Variants in RAB3IP observed in about 807,000 individuals in gnomAD.
The protein encoded by RAB3IP is rab-3A-interacting protein.
RAB3IP carries 36 observed loss-of-function variants against 59.1 expected under a neutral mutation model. The ratio of observed to expected loss-of-function variants is 0.61; its 90% confidence interval spans 0.47 to 0.80. The LOEUF (loss-of-function observed/expected upper bound fraction) is 0.80, where lower values mean the gene tolerates loss of function less well. Among genes scored for constraint, RAB3IP ranks in the 30% least tolerant of loss-of-function variants. The probability of loss-of-function intolerance (pLI) is 0.00; values close to 1 mark genes in which losing one functional copy is unlikely to be tolerated. For synonymous variants in RAB3IP, 207 were observed against 191.2 expected, an observed-to-expected ratio of 1.08 and a Z score of -0.68; for missense variants, 511 against 536.0, an observed-to-expected ratio of 0.95 and a Z score of 0.46.
At chr12:69,750,099 A>G (rs960202578) in intron 1 of RAB3IP, among the ~76,000 whole-genome samples, 1 of 152,264 alleles carries the variant, frequency 6.6e-6, no homozygotes, top group African/African-American at 2.4e-5. Flanking sequence ...GAGCTTGGAC[A>G]GTAGGGTCTA....
chr12:69,823,183 A>G lies in RAB3IP; in HGVS notation c.*7737A>G, dbSNP rs1289154040. On this transcript the variant is annotated 3_prime_UTR_variant, in exon 11 of 11. Coordinates refer to ENST00000247833, the MANE Select transcript of RAB3IP (RefSeq NM_022456.5). ...TTATTTGTTAATTAAAAAAATAAAA[A>G]AAAGACCCACCCACTGTTTAAGTGT... 1.3e-5 allele frequency: 2 copies of G among 152,274 alleles called. No homozygotes were observed. Among genetic ancestry groups the G allele is most frequent in the East Asian group, 3.9e-4 (2 of 5,184 alleles). The allele number at this position is 152,274 out of a possible 1,614,324, so 9.4% of individuals were successfully genotyped here.
intron 6 of RAB3IP, among the ~76,000 whole-genome samples, chr12:69,799,628 T>A (rs1447382303): frequency 2.0e-5 from 3 of 152,174 alleles, no homozygotes; most frequent in Non-Finnish European, 4.4e-5. Flanking sequence ...TTTTTTTTAA[T>A]CCTGTTGGTT....
At position 69,820,334 on chromosome 12, in the gene RAB3IP, A is replaced by G. The variant is rs1881564432; in HGVS notation, c.*4888A>G. The G allele has an allele frequency of 6.6e-6, 1 of 152,084 alleles. No homozygotes were observed. The highest frequency in any genetic ancestry group is 1.5e-5 in the Non-Finnish European group (1 of 68,048). 9.4% of individuals were successfully genotyped at this position (152,084 alleles called of 1,614,324 possible). Reference sequence around the variant, plus strand: ...AAATTCCATCAGCTGTCTCCGAGACATCTTAAATCTGTCTACCTCCCTCCA... The same window carrying G: ...AAATTCCATCAGCTGTCTCCGAGACGTCTTAAATCTGTCTACCTCCCTCCA... On this transcript the variant is annotated 3_prime_UTR_variant, in exon 11 of 11. Transcript: ENST00000247833.
chr12:69,812,912 G>T, intron 9 of RAB3IP, 35 bp downstream of exon 9: 2 of 1,603,438 alleles, frequency 1.2e-6, no homozygotes, highest in Non-Finnish European at 1.7e-6. Context: ...AATAAAGCTT[G>T]CTTTGATATG....
intron 8 of RAB3IP, among the ~76,000 whole-genome samples, chr12:69,811,846 C>T (rs570150862): frequency 2.2e-4 from 34 of 152,110 alleles, no homozygotes; most frequent in African/African-American, 7.2e-4. Context: ...TTTCTTGTAT[C>T]GCTAAAATGT....
At chr12:69,791,321 A>G (rs962000454) in intron 4 of RAB3IP, among the ~76,000 whole-genome samples, 3 of 152,240 alleles carry the variant, frequency 2.0e-5, no homozygotes, top group Non-Finnish European at 2.9e-5. Context: ...CAACAAAAAC[A>G]AAATGGACAA....
Position 69,812,818 on chromosome 12 carries a change from A to G in RAB3IP, c.1171A>G (p.Arg391Gly). The G allele has an allele frequency of 6.2e-7, 1 of 1,613,334 alleles. No homozygotes were observed. Among genetic ancestry groups the G allele is most frequent in the Non-Finnish European group, 8.5e-7 (1 of 1,179,278 alleles). Residue 391 changes from arginine (R) to glycine (G), a missense_variant, in exon 9 of 11, where the codon AGA becomes GGA. Arg to Gly is a moderately radical substitution (Grantham distance 125). Transcript: ENST00000247833. ...LTGQSKSCKH[R>G]IKLGDSSNYY... ...TGGCCAGAGTAAGTCCTGTAAACAC[A>G]GAATTAAATTAGGGGACTCAAGCAA... is the stretch of plus-strand genomic sequence containing the variant.
intron 1 of RAB3IP, chr12:69,739,692 G>C (rs575495926): frequency 6.7e-4 from 271 of 407,172 alleles, no homozygotes; most frequent in African/African-American, 5.7e-3. Flanking sequence ...ACTTGTGTTC[G>C]GGGGAGTTGA....
chr12:69,742,092 T>C (rs1474309916), intron 1 of RAB3IP, among the ~76,000 whole-genome samples: 1 of 152,240 alleles, frequency 6.6e-6, no homozygotes, highest in Non-Finnish European at 1.5e-5. Flanking sequence ...GAACGCACTT[T>C]ACATATTTTA....
chr12:69,738,540 T>C (rs935667320), upstream of RAB3IP: 2 of 152,142 alleles, frequency 1.3e-5, no homozygotes, highest in Admixed American at 6.5e-5. Context: ...GAGCCCAACA[T>C]GCTTGAAGTT....
chr12:69,760,356 AGAGGGAGACCGTGGAAAGAGAGGGC>A (rs1341805150), intron 3 of RAB3IP, among the ~76,000 whole-genome samples: 1 of 152,346 alleles, frequency 6.6e-6, no homozygotes, highest in East Asian at 1.9e-4. Flanking sequence ...GCTCGGCATC[AGAGGGAGACCGTGGAAAGAGAGGGC>A]GAGGGAGACC....
chr12:69,812,949 C>G lies in RAB3IP; in HGVS notation c.1231-15C>G. On this transcript the variant is annotated splice_polypyrimidine_tract_variant and intron_variant, in intron 9 of 10. Transcript: ENST00000247833. ...GACATTTGACCATTCATGACATTTT[C>G]TCCATTTGGCCTAGATCACTTCTGT... 1 of 1,612,106 alleles carries G rather than the reference C, an allele frequency of 6.2e-7. No homozygotes were observed.
intron 3 of RAB3IP, among the ~76,000 whole-genome samples, chr12:69,778,416 G>A (rs1201107636): frequency 7.7e-6 from 1 of 130,696 alleles, no homozygotes; most frequent in African/African-American, 2.9e-5. Flanking sequence ...CTCTCAGCTC[G>A]TCAAAATCAT....
intron 3 of RAB3IP, among the ~76,000 whole-genome samples, chr12:69,782,399 G>A (rs531423390): frequency 7.2e-5 from 11 of 152,102 alleles, no homozygotes; most frequent in Non-Finnish European, 1.6e-4. Flanking sequence ...TCCTGACCTC[G>A]TGATCCGCCC....
At chr12:69,755,215 A>G (rs1332173819) in intron 1 of RAB3IP, among the ~76,000 whole-genome samples, 169 bp from the exon 2 acceptor site, 3 of 152,170 alleles carry the variant, frequency 2.0e-5, no homozygotes, top group African/African-American at 4.8e-5. Context: ...AGTAGCTGGT[A>G]CTACAGGCAT....
At chr12:69,745,039 A>G (rs1868272596) in intron 1 of RAB3IP, among the ~76,000 whole-genome samples, 1 of 152,196 alleles carries the variant, frequency 6.6e-6, no homozygotes, top group African/African-American at 2.4e-5. Context: ...TAAATTATGG[A>G]GAGTTTCAAA....
At chr12:69,784,463 A>G (rs906366573) in intron 3 of RAB3IP, among the ~76,000 whole-genome samples, 39 of 149,886 alleles carry the variant, frequency 2.6e-4, no homozygotes, top group Non-Finnish European at 5.2e-4. Context: ...TAGTTTATAT[A>G]TATAATGTAT....
At chr12:69,812,717 ACAGAAGGTAGGGG>A in intron 8 of RAB3IP, 48 bp from the exon 9 acceptor site, 1 of 1,118,088 alleles carries the variant, frequency 8.9e-7, no homozygotes, top group Non-Finnish European at 1.3e-6. Flanking sequence ...GGCAACTTGT[ACAGAAGGTAGGGG>A]CAAATGCTTT....
chr12:69,803,014 T>C (rs551980896), intron 8 of RAB3IP, among the ~76,000 whole-genome samples: 1 of 152,340 alleles, frequency 6.6e-6, no homozygotes, highest in African/African-American at 2.4e-5. Context: ...AATTTAATCA[T>C]AGCAGTTTTC....
Sources: gnomAD v4.1 joint callset for allele counts (sites outside exome capture counted in the v4.1 genomes callset) on GRCh38, gnomAD v4.1.1 for gene constraint, MANE v1.5 for transcripts, NCBI Gene and HGNC (gene_info 2026-07-23, HGNC 2026-07-21) for gene names.